The following DPP10 variants were observed in gnomAD, a reference collection of about 807,000 sequenced individuals.
DPP10 encodes dipeptidyl peptidase like 10, also known as inactive dipeptidyl peptidase 10.
A neutral mutation model predicts 120.9 loss-of-function variants in DPP10; 33 were observed. That is an observed-to-expected ratio of 0.27 (90% CI 0.21 to 0.37). The LOEUF is 0.37. DPP10 is among the 10% of genes least tolerant of loss of function. The probability of loss-of-function intolerance (pLI) is 1.00; values close to 1 mark genes in which losing one functional copy is unlikely to be tolerated. For synonymous variants in DPP10, 337 were observed against 326.1 expected, an observed-to-expected ratio of 1.03 and a Z score of -0.36; for missense variants, 816 against 942.8, an observed-to-expected ratio of 0.87 and a Z score of 1.76.
At chr2:114,751,089 T>C (rs1679174283) in intron 1 of DPP10, among the ~76,000 whole-genome samples, 1 of 152,192 alleles carries the variant, frequency 6.6e-6, no homozygotes, top group African/African-American at 2.4e-5. Context: ...GAGACCAAGA[T>C]AGGGACAAGT....
chr2:115,247,323 C>T (rs1055054712), intron 1 of DPP10, among the ~76,000 whole-genome samples: 4 of 151,992 alleles, frequency 2.6e-5, no homozygotes, highest in Non-Finnish European at 2.9e-5. Flanking sequence ...CTAGATCATC[C>T]GTATACAGGT....
chr2:115,525,624 AAAT>A (rs1437955441), intron 4 of DPP10, among the ~76,000 whole-genome samples: 4 of 152,056 alleles, frequency 2.6e-5, no homozygotes, highest in African/African-American at 9.7e-5. Flanking sequence ...TGAACTTTTT[AAAT>A]AATAAAAATA....
intron 1 of DPP10, among the ~76,000 whole-genome samples, chr2:114,987,804 C>CTGTTTTTTTTTTTTTTTTTTT: frequency 9.9e-6 from 1 of 101,034 alleles, no homozygotes; most frequent in Non-Finnish European, 1.8e-5. Context: ...TGGAGACTGT[C>CTGTTTTTTTTTTTTTTTTTTT]TTTTTTTTTT....
intron 1 of DPP10, among the ~76,000 whole-genome samples, chr2:115,128,708 G>T (rs1487559311): frequency 6.6e-6 from 1 of 152,254 alleles, no homozygotes; most frequent in African/African-American, 2.4e-5. Flanking sequence ...ACTGACAATT[G>T]TCCTTATGAT....
chr2:114,484,434 C>T (rs1681321434), intron 1 of DPP10, among the ~76,000 whole-genome samples: 1 of 152,100 alleles, frequency 6.6e-6, no homozygotes, highest in South Asian at 2.1e-4. Context: ...TCAGTTCTTA[C>T]TATTATTTTA....
chr2:115,655,733 A>C (rs1358629139), intron 5 of DPP10, among the ~76,000 whole-genome samples: 3 of 151,658 alleles, frequency 2.0e-5, no homozygotes, highest in Non-Finnish European at 4.4e-5. Flanking sequence ...AAAAGATATT[A>C]ATCATATAAT....
At chr2:114,656,723 T>C (rs1489649572) in intron 1 of DPP10, among the ~76,000 whole-genome samples, 1 of 152,120 alleles carries the variant, frequency 6.6e-6, no homozygotes, top group Non-Finnish European at 1.5e-5. Flanking sequence ...CAAGTGACTG[T>C]TGTAGAAGAA....
intron 1 of DPP10, among the ~76,000 whole-genome samples, chr2:114,845,081 G>A (rs1042795489): frequency 4.6e-5 from 7 of 152,200 alleles, no homozygotes; most frequent in South Asian, 2.1e-4. Flanking sequence ...CAACGCTAGC[G>A]CCCTTTCCAC....
chr2:115,380,589 G>C (rs1238751517), intron 3 of DPP10, among the ~76,000 whole-genome samples: 1 of 151,722 alleles, frequency 6.6e-6, no homozygotes, highest in Non-Finnish European at 1.5e-5. Context: ...ATTTGATCCT[G>C]TCATTATGAT....
At chr2:114,491,381 T>G (rs1392170231) in intron 1 of DPP10, among the ~76,000 whole-genome samples, 1 of 152,216 alleles carries the variant, frequency 6.6e-6, no homozygotes, top group African/African-American at 2.4e-5. Context: ...ATCTCATCTG[T>G]TCCAAGCTTT....
chr2:115,331,962 T>A (rs1431269739), intron 2 of DPP10, among the ~76,000 whole-genome samples: 1 of 152,196 alleles, frequency 6.6e-6, no homozygotes, highest in Admixed American at 6.5e-5. Context: ...GAGGATTCTC[T>A]CTTTTTCTGT....
At chr2:114,910,887 A>G (rs1357918503) in intron 1 of DPP10, among the ~76,000 whole-genome samples, 1 of 152,098 alleles carries the variant, frequency 6.6e-6, no homozygotes, top group African/African-American at 2.4e-5. Flanking sequence ...ATTTCCTTTG[A>G]CTTCTTCCCA....
chr2:114,498,874 A>T (rs1169325781), intron 1 of DPP10, among the ~76,000 whole-genome samples: 2 of 152,352 alleles, frequency 1.3e-5, no homozygotes, highest in East Asian at 3.9e-4. Context: ...GCTATTCACA[A>T]TAGTCAAGAC....
At chr2:115,585,880 T>C (rs2082258774) in intron 5 of DPP10, among the ~76,000 whole-genome samples, 1 of 152,220 alleles carries the variant, frequency 6.6e-6, no homozygotes, top group Non-Finnish European at 1.5e-5. Flanking sequence ...ATTTAACGTA[T>C]ATCCTGGAAA....
rs114917686 is a variant in DPP10 at position 115,729,864 on chromosome 2, G to T, written c.697+1928G>T. ...AGCCTGAACAGTTAACAAGTGTTAC[G>T]CATGAGAAGAAATTAGGAAGGAAAA... On this transcript the variant is annotated intron_variant, in intron 8 of 25. Transcript: ENST00000410059. Among the ~76,000 whole-genome samples, 756 of 152,126 alleles carry T rather than the reference G, an allele frequency of 5.0e-3. 10 individuals carry two copies. Among genetic ancestry groups the T allele is most frequent in the African/African-American group, 0.017 (709 of 41,502 alleles).
At chr2:114,695,474 C>T (rs1187478389) in intron 1 of DPP10, among the ~76,000 whole-genome samples, 4 of 152,024 alleles carry the variant, frequency 2.6e-5, no homozygotes, top group African/African-American at 9.7e-5. Flanking sequence ...GTACTTCACA[C>T]ACAGATGTCC....
intron 1 of DPP10, among the ~76,000 whole-genome samples, chr2:114,978,228 T>C (rs1221343068): frequency 6.6e-6 from 1 of 152,216 alleles, no homozygotes; most frequent in Admixed American, 6.5e-5. Context: ...TAGCCAAATA[T>C]GGCTATTGAG....
chr2:114,591,788 C>T (rs1691489599), intron 1 of DPP10, among the ~76,000 whole-genome samples: 1 of 152,026 alleles, frequency 6.6e-6, no homozygotes, highest in African/African-American at 2.4e-5. Flanking sequence ...CTCCTGACCT[C>T]ATGATCTGCC....
At chr2:115,371,576 G>A (rs1274610659) in intron 3 of DPP10, among the ~76,000 whole-genome samples, 2 of 151,918 alleles carry the variant, frequency 1.3e-5, no homozygotes, top group East Asian at 3.9e-4. Context: ...TTTTCTTGCT[G>A]CAAAACCATA....
Sources: allele counts gnomAD v4.1 joint callset (sites outside exome capture counted in the v4.1 genomes callset), GRCh38; gene constraint gnomAD v4.1.1; transcripts MANE v1.5; gene names NCBI Gene and HGNC (gene_info 2026-07-23, HGNC 2026-07-21).